UNC5C: variants seen among roughly 807,000 people sequenced by gnomAD.
The protein encoded by UNC5C is netrin receptor UNC5C.
UNC5C carries 47 observed loss-of-function variants against 99.8 expected under a neutral mutation model. The observed-to-expected ratio is 0.47, with a 90% CI of 0.37 to 0.60. UNC5C has a LOEUF of 0.60. UNC5C is among the 20% of genes least tolerant of loss of function. The pLI is 0.00. For missense variants in UNC5C, 1,062 were observed against 1,165.9 expected (o/e 0.91, Z 1.30); for synonymous variants, 487 against 452.2 (o/e 1.08, Z -0.98).
At chr4:95,184,917 C>T (rs1333824269) in intron 13 of UNC5C, 130 bp downstream of exon 13, 1 of 1,094,096 alleles carries the variant, frequency 9.1e-7, no homozygotes, top group African/African-American at 1.6e-5. Flanking sequence ...TAAATAACCC[C>T]AAACTATTTT....
intron 4 of UNC5C, among the ~76,000 whole-genome samples, 165 bp from the exon 5 acceptor site, chr4:95,250,832 C>T (rs1739686347): frequency 6.6e-6 from 1 of 152,176 alleles, no homozygotes; most frequent in South Asian, 2.1e-4. Flanking sequence ...CTTCTGCAAA[C>T]TGGTGGGAAG....
At chr4:95,226,050 G>T (rs1444615804) in intron 7 of UNC5C, among the ~76,000 whole-genome samples, 1 of 152,200 alleles carries the variant, frequency 6.6e-6, no homozygotes, top group African/African-American at 2.4e-5. Flanking sequence ...AGCTAATGAG[G>T]TGACCCTGCT....
chr4:95,264,197 C>A (rs1017650034), intron 4 of UNC5C, among the ~76,000 whole-genome samples: 3 of 124,524 alleles, frequency 2.4e-5, no homozygotes, highest in Non-Finnish European at 5.9e-5. Flanking sequence ...AATGAAAGAC[C>A]AACAAAAATA....
chr4:95,228,745 G>T (rs903827343), intron 7 of UNC5C, among the ~76,000 whole-genome samples: 1 of 152,192 alleles, frequency 6.6e-6, no homozygotes, highest in Non-Finnish European at 1.5e-5. Context: ...TTTGGTGATT[G>T]CATGAGATAA....
chr4:95,460,382 T>C (rs959965510), intron 1 of UNC5C, among the ~76,000 whole-genome samples: 3 of 152,204 alleles, frequency 2.0e-5, no homozygotes, highest in African/African-American at 7.2e-5. Flanking sequence ...CACAGTGATG[T>C]GGTTTGGCTG....
At chr4:95,222,695 G>A (rs1401416866) in intron 7 of UNC5C, among the ~76,000 whole-genome samples, 3 of 151,856 alleles carry the variant, frequency 2.0e-5, no homozygotes, top group Non-Finnish European at 2.9e-5. Context: ...AACAGCTTGT[G>A]CTTGGTCTAA....
At chr4:95,500,994 C>G (rs1041951115) in intron 1 of UNC5C, among the ~76,000 whole-genome samples, 6 of 152,046 alleles carry the variant, frequency 3.9e-5, no homozygotes, top group African/African-American at 1.4e-4. Flanking sequence ...TCGAAAAACT[C>G]TTAGAATAAT....
In UNC5C at chr4:95,531,828, G is replaced by C. The variant is rs1053829514; in HGVS notation, c.124+16906C>G. The stretch of plus-strand genomic sequence containing the variant: ...CACGAGACTTGTTGACTTTATAGTG[G>C]AGAAAAATGAAAAATACACCATAGG... On this transcript the variant is annotated intron_variant, in intron 1 of 15. Coordinates refer to ENST00000453304, the MANE Select transcript of UNC5C (RefSeq NM_003728.4). Among the ~76,000 whole-genome samples, 36 of 152,264 alleles carry C rather than the reference G, an allele frequency of 2.4e-4. 1 individual carries two copies. Among genetic ancestry groups the C allele is most frequent in the African/African-American group, 7.9e-4 (33 of 41,564 alleles).
rs59375003 is a variant in UNC5C at position 95,274,226 on chromosome 4, C to T, written c.594+4033G>A. ...CACTGGTTCATCCATGCCAGGTATT[C>T]GATGTGGAAACAGTTCTGTATCTGT... On this transcript the variant is annotated intron_variant, in intron 4 of 15. Coordinates refer to ENST00000453304, the MANE Select transcript of UNC5C (RefSeq NM_003728.4). Among the ~76,000 whole-genome samples the T allele has an allele frequency of 1.8e-3, 274 of 152,132 alleles. 1 individual carries two copies. The highest frequency in any genetic ancestry group is 6.3e-3 in the African/African-American group (260 of 41,506).
intron 1 of UNC5C, among the ~76,000 whole-genome samples, chr4:95,392,430 ATTTTT>A (rs10608601): frequency 0.22 from 23,499 of 108,936 alleles, 2,213 homozygotes; most frequent in African/African-American, 0.3. Flanking sequence ...GTATCAAAAC[ATTTTT>A]TTTTTTTTTA....
At chr4:95,329,707 T>C (rs1369542548) in intron 2 of UNC5C, among the ~76,000 whole-genome samples, 3 of 152,234 alleles carry the variant, frequency 2.0e-5, no homozygotes, top group Non-Finnish European at 4.4e-5. Flanking sequence ...TTTATAAAAT[T>C]AGCCCTTTGG....
chr4:95,423,488 CACT>C (rs1161356987), intron 1 of UNC5C, among the ~76,000 whole-genome samples: 1 of 152,148 alleles, frequency 6.6e-6, no homozygotes, highest in Non-Finnish European at 1.5e-5. Flanking sequence ...ATCCATGGAT[CACT>C]ACAAGATCTG....
At chr4:95,352,703 C>T (rs1744035240) in intron 1 of UNC5C, among the ~76,000 whole-genome samples, 1 of 152,156 alleles carries the variant, frequency 6.6e-6, no homozygotes, top group African/African-American at 2.4e-5. Flanking sequence ...CCTGTCAGGC[C>T]TAATCCATTG....
intron 1 of UNC5C, among the ~76,000 whole-genome samples, chr4:95,392,329 T>C (rs1335074190): frequency 1.3e-5 from 1 of 74,842 alleles, no homozygotes; most frequent in African/African-American, 4.5e-5. Context: ...TAAGATAAAG[T>C]ATTCTAGTTA....
intron 1 of UNC5C, among the ~76,000 whole-genome samples, chr4:95,411,235 G>T (rs1745978698): frequency 6.6e-6 from 1 of 152,018 alleles, no homozygotes; most frequent in Non-Finnish European, 1.5e-5. Flanking sequence ...ATAACTTTCT[G>T]CCTGAAACGT....
At chr4:95,479,591 T>A (rs1460472482) in intron 1 of UNC5C, among the ~76,000 whole-genome samples, 4 of 151,808 alleles carry the variant, frequency 2.6e-5, no homozygotes, top group African/African-American at 9.7e-5. Context: ...CAGTGGAAGA[T>A]CCAAAAATGG....
rs971217947 is a variant in UNC5C at position 95,162,549 on chromosome 4, C to G, written c.*6685G>C. On this transcript the variant is annotated 3_prime_UTR_variant, in exon 16 of 16. Transcript: ENST00000453304. ...TTTATTACCTGTTTAAAAATTCTTT[C>G]TTACATTTTGTACATGTTGGCTGAC... 6.6e-6 allele frequency: 1 copy of G among 152,130 alleles called. No homozygotes were observed. The highest frequency in any genetic ancestry group is 1.5e-5 in the Non-Finnish European group (1 of 68,022). 9.4% of individuals were successfully genotyped at this position (152,130 alleles called of 1,614,324 possible). A position where few individuals can be genotyped will look rare whatever the true frequency, so the allele number is the denominator to read the frequency against.
At chr4:95,184,584 T>C (rs1025931121) in intron 13 of UNC5C, among the ~76,000 whole-genome samples, 1 of 152,122 alleles carries the variant, frequency 6.6e-6, no homozygotes, top group Non-Finnish European at 1.5e-5. Flanking sequence ...TTTAATAATA[T>C]CCTGATTGGG....
At chr4:95,352,480 T>C (rs1744025983) in intron 1 of UNC5C, among the ~76,000 whole-genome samples, 1 of 152,192 alleles carries the variant, frequency 6.6e-6, no homozygotes, top group Non-Finnish European at 1.5e-5. Context: ...TTACTACCTA[T>C]CATTTTCTCA....
Sources: gnomAD v4.1 joint callset for allele counts (sites outside exome capture counted in the v4.1 genomes callset) on GRCh38, gnomAD v4.1.1 for gene constraint, MANE v1.5 for transcripts, NCBI Gene and HGNC (gene_info 2026-07-23, HGNC 2026-07-21) for gene names.